Variants in SOAT2 observed in about 807,000 individuals in gnomAD.
SOAT2 encodes the protein sterol O-acyltransferase 2.
A neutral mutation model predicts 76.0 loss-of-function variants in SOAT2; 87 were observed. The ratio of observed to expected loss-of-function variants is 1.14; its 90% CI spans 0.96 to 1.37. The LOEUF is 1.37. SOAT2 is among the 40% of genes most tolerant of loss of function. The pLI is 0.00. For synonymous variants in SOAT2, 285 were observed against 275.4 expected (o/e 1.03, Z -0.34); for missense variants, 686 against 682.1 (o/e 1.01, Z -0.06).
At chr12:53,111,560 G>T (rs922227640) in intron 5 of SOAT2, among the ~76,000 whole-genome samples, 6 of 152,124 alleles carry the variant, frequency 3.9e-5, no homozygotes, top group African/African-American at 7.2e-5. Context: ...CAATATTAAT[G>T]TTTCATTCAT....
In SOAT2 at chr12:53,118,908, G is replaced by C; in HGVS notation, c.882G>C (p.Trp294Cys). The change falls in exon 9 of 15, where the codon TGG becomes TGC. Residue 294 changes from tryptophan (W) to cysteine (C), a missense_variant. Physicochemically the swap from Trp to Cys is radical, Grantham distance 215. Transcript: ENST00000301466. ...ETYPRTPYVR[W>C]NYVAKNFAQA... ...GCTGCAGGACGCCCTATGTCAGGTG[G>C]AATTATGTGGCCAAGAACTTTGCCC... The C allele has an allele frequency of 1.9e-6, 3 of 1,614,112 alleles. No individual in the cohort carries two copies. The highest frequency in any genetic ancestry group is 2.5e-6 in the Non-Finnish European group (3 of 1,180,006).
chr12:53,120,386 A>G (rs1384098409), intron 10 of SOAT2, among the ~76,000 whole-genome samples: 3 of 152,020 alleles, frequency 2.0e-5, no homozygotes, highest in East Asian at 1.9e-4. Flanking sequence ...GGAGAATGGC[A>G]TGAACCCAGG....
intron 10 of SOAT2, among the ~76,000 whole-genome samples, chr12:53,119,939 A>G (rs999490063): frequency 2.0e-5 from 3 of 152,180 alleles, no homozygotes; most frequent in African/African-American, 4.8e-5. Context: ...TCTCACTTCA[A>G]TTACTCTGTG....
Position 53,116,945 on chromosome 12 carries a change from T to C in SOAT2, c.778+779T>C, listed in dbSNP as rs1938114389. On this transcript the variant is annotated intron_variant, in intron 7 of 14. Transcript: ENST00000301466. ...TAAAGACCATTTCAACGTTATTAATTGGCCCAATTTCAAATTTTTTTTTTT... is the reference window on the plus strand; with the variant it reads ...TAAAGACCATTTCAACGTTATTAATCGGCCCAATTTCAAATTTTTTTTTTT... Among the ~76,000 whole-genome samples, 3 of 149,748 alleles carry C rather than the reference T, an allele frequency of 2.0e-5. No homozygotes were observed. The South Asian group carries it at 6.3e-4, about 31-fold the overall frequency.
intron 5 of SOAT2, among the ~76,000 whole-genome samples, chr12:53,109,959 A>G (rs1937988803): frequency 6.6e-6 from 1 of 152,240 alleles, no homozygotes; most frequent in Admixed American, 6.5e-5. Flanking sequence ...CTCAATTTAC[A>G]GAAGAAACTG....
At chr12:53,106,293 C>T (rs1565625676) in intron 5 of SOAT2, among the ~76,000 whole-genome samples, 1 of 152,160 alleles carries the variant, frequency 6.6e-6, no homozygotes, top group Non-Finnish European at 1.5e-5. Flanking sequence ...TGTGTGTGCA[C>T]ACATGCACAC....
At chr12:53,119,373 C>G (rs1938155444) in intron 10 of SOAT2, 120 bp downstream of exon 10, 1 of 1,071,254 alleles carries the variant, frequency 9.3e-7, no homozygotes. Context: ...CTCCTCACAT[C>G]TGTCCCCTCC....
chr12:53,105,392 A>G (rs1937919732), intron 3 of SOAT2, 149 bp downstream of exon 3: 1 of 1,229,760 alleles, frequency 8.1e-7, no homozygotes, highest in Admixed American at 2.3e-5. Flanking sequence ...ACCTCCATCT[A>G]CTGGGCCTCG....
At chr12:53,123,558 T>C (rs1433466800) in intron 13 of SOAT2, among the ~76,000 whole-genome samples, 170 bp from the exon 14 acceptor site, 1 of 152,156 alleles carries the variant, frequency 6.6e-6, no homozygotes, top group African/African-American at 2.4e-5. Flanking sequence ...TGAAGAATCC[T>C]GGTTTTACAT....
intron 1 of SOAT2, 25 bp from the exon 2 acceptor site, chr12:53,104,126 C>G: frequency 6.2e-7 from 1 of 1,608,832 alleles, no homozygotes; most frequent in Non-Finnish European, 8.5e-7. Context: ...CTCCTGTTGA[C>G]TGTGCCTTTG....
chr12:53,109,822 TG>T (rs34341642), intron 5 of SOAT2, among the ~76,000 whole-genome samples: 28,361 of 152,130 alleles, frequency 0.19, 3,375 homozygotes, highest in African/African-American at 0.35. Flanking sequence ...CTTATACACA[TG>T]GTTTACCCAA....
At position 53,119,116 on chromosome 12, in the gene SOAT2, C is replaced by T. The variant is rs201082961; in HGVS notation, c.910-8C>T. The T allele has an allele frequency of 5.3e-5, 86 of 1,613,936 alleles. No homozygotes were observed. In the East Asian group the frequency reaches 1.8e-3, roughly 33 times the overall value. On this transcript the variant is annotated splice_region_variant and splice_polypyrimidine_tract_variant and intron_variant, in intron 9 of 14. Transcript: ENST00000301466. ...CTCTCCAGTTATGTGTCCCCATGCC[C>T]CCTCCAGGCCCTGGGATGTGTGCTC...
intron 12 of SOAT2, 28 bp from the exon 13 acceptor site, chr12:53,123,053 C>T (rs1347063281): frequency 1.9e-6 from 3 of 1,593,312 alleles, no homozygotes; most frequent in South Asian, 2.3e-5. Flanking sequence ...GGGAGACTTA[C>T]TCTTCACTCC....
At position 53,118,895 on chromosome 12, in the gene SOAT2, C is replaced by G. The variant is rs747034276; in HGVS notation, c.869C>G (p.Pro290Arg). ...LIYRETYPRT[P>R]YVRWNYVAKN... ...TGTCCCCATTGCCGCTGCAGGACGC[C>G]CTATGTCAGGTGGAATTATGTGGCC... Residue 290 changes from proline (P) to arginine (R), a missense_variant, in exon 9 of 15, where the codon CCC becomes CGC. Physicochemically the swap from Pro to Arg is moderately radical, Grantham distance 103. Transcript: ENST00000301466. 14 of 1,613,834 alleles carry G rather than the reference C, an allele frequency of 8.7e-6. No homozygotes were observed. Among genetic ancestry groups the G allele is most frequent in the Non-Finnish European group, 1.2e-5 (14 of 1,179,990 alleles).
At chr12:53,104,086 G>A (rs1937885632) in intron 1 of SOAT2, 65 bp from the exon 2 acceptor site, 1 of 1,350,326 alleles carries the variant, frequency 7.4e-7, no homozygotes, top group Admixed American at 1.7e-5. Context: ...CTGACCACAG[G>A]ATGCCTCTGG....
At chr12:53,106,648 T>C (rs1937940782) in intron 5 of SOAT2, among the ~76,000 whole-genome samples, 1 of 152,148 alleles carries the variant, frequency 6.6e-6, no homozygotes, top group Non-Finnish European at 1.5e-5. Context: ...GGAAGTGAGT[T>C]TTTATTTCTG....
At chr12:53,121,996 C>T (rs1387628450) in intron 12 of SOAT2, among the ~76,000 whole-genome samples, 1 of 151,168 alleles carries the variant, frequency 6.6e-6, no homozygotes, top group East Asian at 1.9e-4. Context: ...TTAGTAGAGA[C>T]GAGGTTTCAC....
intron 6 of SOAT2, 60 bp downstream of exon 6, chr12:53,115,714 G>A (rs537730364): frequency 2.3e-5 from 34 of 1,448,220 alleles, no homozygotes; most frequent in Admixed American, 5.4e-5. Context: ...CATCTCAGCA[G>A]AGGGGGAGTC....
At chr12:53,119,893 T>C (rs751349978) in intron 10 of SOAT2, among the ~76,000 whole-genome samples, 3 of 152,204 alleles carry the variant, frequency 2.0e-5, no homozygotes, top group Admixed American at 6.5e-5. Flanking sequence ...CCTGGACACA[T>C]GGTTGGACAT....
Sources: allele counts gnomAD v4.1 joint callset (sites outside exome capture counted in the v4.1 genomes callset), GRCh38; gene constraint gnomAD v4.1.1; transcripts MANE v1.5; gene names NCBI Gene and HGNC (gene_info 2026-07-23, HGNC 2026-07-21).